The following BCORL1 variants were observed in gnomAD, a reference collection of about 807,000 sequenced individuals.
BCORL1 encodes the protein BCL6 corepressor like 1.
Under a neutral mutation model 87.6 loss-of-function variants are expected in BCORL1, and 7 were observed. The observed-to-expected ratio is 0.08, with a 90% CI of 0.05 to 0.15. The LOEUF is 0.15. Among genes scored for constraint, BCORL1 ranks in the 10% least tolerant of loss-of-function variants. BCORL1 has a pLI of 1.00. For synonymous variants in BCORL1, 591 were observed against 634.4 expected (o/e 0.93, Z 1.03); for missense variants, 1,215 against 1,499.7 (o/e 0.81, Z 3.13).
At position 130,015,202 on chromosome X, in the gene BCORL1, G is replaced by A. The variant is rs1222143677; in HGVS notation, c.2430G>A (p.Pro810=). 4 of 1,210,772 alleles carry A rather than the reference G, an allele frequency of 3.3e-6. No homozygotes were observed. Among genetic ancestry groups the A allele is most frequent in the South Asian group, 3.5e-5 (2 of 56,947 alleles). The part of the protein sequence containing the change: ...KELSLWKPTG[P]ANIYPRCSVN... ...TCTCTTTGTGGAAACCCACGGGGCCGGCAAATATTTATCCCCGGTGTTCAG... is the reference window on the plus strand; with the variant it reads ...TCTCTTTGTGGAAACCCACGGGGCCAGCAAATATTTATCCCCGGTGTTCAG... Residue 810 remains proline, a synonymous_variant, in exon 4 of 14, where the codon CCG becomes CCA. Transcript: ENST00000540052.
At chrX:130,052,391 G>A (rs1487999967) in intron 13 of BCORL1, among the ~76,000 whole-genome samples, 2 of 112,413 alleles carry the variant, frequency 1.8e-5, no homozygotes, top group Non-Finnish European at 3.8e-5. Flanking sequence ...GAAAAGCCAG[G>A]ACATATGGTT....
At chrX:130,007,632 C>A (rs1012347940) in intron 2 of BCORL1, among the ~76,000 whole-genome samples, 1 of 111,697 alleles carries the variant, frequency 9.0e-6, no homozygotes, top group Non-Finnish European at 1.9e-5. Context: ...CCCGTCTCTA[C>A]TAAAAATACA....
chrX:130,028,935 G>GGA, intron 8 of BCORL1, 74 bp downstream of exon 8: 1 of 261,991 alleles, frequency 3.8e-6, no homozygotes, highest in South Asian at 3.8e-5. Context: ...GGGGGTGGGG[G>GGA]ATGGGGAGGA....
upstream of BCORL1, chrX:129,981,223 T>C (rs1926076510): frequency 9.0e-6 from 1 of 110,921 alleles, no homozygotes; most frequent in African/African-American, 3.3e-5. Flanking sequence ...CCTCTTAGCA[T>C]CTGGATTCTG....
chrX:130,005,618 T>G (rs1432230728), intron 2 of BCORL1, among the ~76,000 whole-genome samples: 1 of 108,628 alleles, frequency 9.2e-6, no homozygotes, highest in East Asian at 2.9e-4. Flanking sequence ...CAATGGCAAT[T>G]TTTTTTTTGT....
In BCORL1 at chrX:130,056,001, C is replaced by A. The variant is rs781452760; in HGVS notation, c.5223C>A (p.Thr1741=). 3 of 1,212,242 alleles carry A rather than the reference C, an allele frequency of 2.5e-6. No homozygotes were observed. The Admixed American group carries it at 6.5e-5, about 26-fold the overall frequency. The change falls in exon 14 of 14, where the codon ACC becomes ACA. Residue 1741 remains threonine, a synonymous_variant. Coordinates refer to ENST00000540052, the MANE Select transcript of BCORL1 (RefSeq NM_001379451.1). ...AGGTGGCCTCCAGTCAGCTGCTGAC[C>A]CCTGCCGAGAGGCCTGGAGGCTTGG... is the stretch of plus-strand genomic sequence containing the variant. The part of the protein sequence containing the change: ...YRQVASSQLL[T]PAERPGGLDD...
chrX:130,008,341 G>A (rs1008485618), intron 2 of BCORL1, among the ~76,000 whole-genome samples: 2 of 108,349 alleles, frequency 1.8e-5, no homozygotes, highest in Admixed American at 9.9e-5. Flanking sequence ...TGAGCTCACC[G>A]CAACCTCCGC....
intron 9 of BCORL1, 113 bp downstream of exon 9, chrX:130,034,789 C>A: frequency 2.1e-6 from 1 of 487,481 alleles, no homozygotes; most frequent in Non-Finnish European, 3.1e-6. Context: ...CCTCTACACC[C>A]CAGATTGCCC....
chrX:129,987,937 G>A (rs1926771900), intron 1 of BCORL1, among the ~76,000 whole-genome samples: 1 of 111,979 alleles, frequency 8.9e-6, no homozygotes, highest in East Asian at 2.8e-4. Context: ...GCTGGAGAAA[G>A]TGACACAATT....
intron 13 of BCORL1, 119 bp from the exon 14 acceptor site, chrX:130,055,735 G>C (rs778910252): frequency 7.7e-5 from 62 of 809,376 alleles, no homozygotes; most frequent in Non-Finnish European, 1.1e-4. Context: ...CTGGCAGTGA[G>C]TTATAATGGG....
At chrX:130,008,639 G>A (rs779303153) in intron 2 of BCORL1, among the ~76,000 whole-genome samples, 6 of 111,902 alleles carry the variant, frequency 5.4e-5, no homozygotes, top group African/African-American at 1.6e-4. Flanking sequence ...AGTCTAGGCC[G>A]CTACAGCCTA....
chrX:130,022,092 TGTTCTTAGCC>T (rs1929868304), intron 5 of BCORL1, among the ~76,000 whole-genome samples: 1 of 111,330 alleles, frequency 9.0e-6, no homozygotes, highest in South Asian at 3.7e-4. Context: ...CGGCCTCATC[TGTTCTTAGCC>T]GTTTTTTCTC....
chrX:130,044,771 A>C (rs1033113307), intron 11 of BCORL1, among the ~76,000 whole-genome samples: 6 of 112,120 alleles, frequency 5.4e-5, no homozygotes, highest in African/African-American at 1.6e-4. Flanking sequence ...GGCCTCCCAA[A>C]GTGCTGGGAT....
chrX:130,002,899 A>G (rs1273196951), intron 1 of BCORL1, among the ~76,000 whole-genome samples: 1 of 110,247 alleles, frequency 9.1e-6, no homozygotes, highest in Non-Finnish European at 1.9e-5. Flanking sequence ...GGGAAAGGCC[A>G]GGCCCCAGTG....
Position 130,015,458 on chromosome X carries a change from G to A in BCORL1, c.2686G>A (p.Val896Ile), listed in dbSNP as rs992482125. 1.8e-5 allele frequency: 22 copies of A among 1,210,951 alleles called. No individual in the cohort carries two copies. The highest frequency in any genetic ancestry group is 2.3e-5 in the Non-Finnish European group (21 of 895,404). Residue 896 changes from valine to isoleucine, a missense_variant, in exon 4 of 14, where the codon GTT (valine) becomes ATT (isoleucine). Val to Ile is a conservative substitution (Grantham distance 29). Around this residue, in one of 5 missense-constraint regions of BCORL1, gnomAD observed 861 missense variants for 1,010.0 expected, o/e 0.85. Coordinates refer to ENST00000540052, the MANE Select transcript of BCORL1 (RefSeq NM_001379451.1). ...GCAACCACGGCCTGGGGGCTCCTTC[G>A]TTCCAGAGCAGGACCCTGTTACAAA... Reference protein sequence around the residue: ...EGQPRPGGSFVPEQDPVTKNK... With the variant: ...EGQPRPGGSFIPEQDPVTKNK...
At chrX:130,012,921 G>A in intron 3 of BCORL1, 29 bp from the exon 4 acceptor site, 2 of 1,174,643 alleles carry the variant, frequency 1.7e-6, no homozygotes, top group South Asian at 3.9e-5. Flanking sequence ...GGAGCTGGCT[G>A]AGATGTGCAT....
chrX:129,997,986 CATAT>C (rs754498901), intron 1 of BCORL1, among the ~76,000 whole-genome samples: 2 of 96,039 alleles, frequency 2.1e-5, no homozygotes, highest in African/African-American at 3.9e-5. Flanking sequence ...TGAAGTTTTA[CATAT>C]ATATATATAT....
intron 4 of BCORL1, among the ~76,000 whole-genome samples, chrX:130,017,320 C>G (rs953058133): frequency 2.7e-5 from 3 of 110,664 alleles, no homozygotes; most frequent in Non-Finnish European, 3.8e-5. Context: ...GTCAGAGACA[C>G]GTGAAGTAGG....
Position 129,992,120 on chromosome X carries a change from C to A in BCORL1, c.-45+9358C>A, listed in dbSNP as rs1285167372. Among the ~76,000 whole-genome samples the A allele has an allele frequency of 4.7e-4, 49 of 104,139 alleles. 1 individual carries two copies. The Admixed American group carries it at 5.1e-3, about 11-fold the overall frequency. The allele number at this position is 104,139 out of a possible 115,157, so 90.4% of individuals were successfully genotyped here. A position where few individuals can be genotyped will look rare whatever the true frequency, so the allele number is the denominator to read the frequency against. ...AAGTAGCTAGGACCACAGGCCCATA[C>A]CACCAGGCACAGCTGATTTTTAAAA... On this transcript the variant is annotated intron_variant, in intron 1 of 13. Transcript: ENST00000540052.
Sources: gnomAD v4.1 joint callset for allele counts (sites outside exome capture counted in the v4.1 genomes callset) on GRCh38, gnomAD v4.1.1 for gene constraint, gnomAD v4.1.1 regional missense constraint, MANE v1.5 for transcripts, NCBI Gene and HGNC (gene_info 2026-07-23, HGNC 2026-07-21) for gene names.